Variants in SHISA6 observed in about 807,000 individuals in gnomAD.
SHISA6 encodes the protein shisa family member 6.
Under a neutral mutation model 47.9 loss-of-function variants are expected in SHISA6, and 22 were observed. That is an observed-to-expected ratio of 0.46 (90% confidence interval 0.33 to 0.66). The LOEUF is 0.66. SHISA6 is among the 30% of genes least tolerant of loss of function. SHISA6 has a pLI of 0.02. For missense variants in SHISA6, 680 were observed against 764.6 expected, an observed-to-expected ratio of 0.89 and a Z score of 1.30; for synonymous variants, 388 against 337.8, an observed-to-expected ratio of 1.15 and a Z score of -1.63.
chr17:11,305,821 G>T (rs1263786832), intron 2 of SHISA6, among the ~76,000 whole-genome samples: 1 of 152,188 alleles, frequency 6.6e-6, no homozygotes, highest in African/African-American at 2.4e-5. Flanking sequence ...TCTCGGAGCG[G>T]AGGCCAACAG....
At chr17:11,483,193 C>A (rs968239651) in intron 3 of SHISA6, among the ~76,000 whole-genome samples, 8 of 151,760 alleles carry the variant, frequency 5.3e-5, no homozygotes, top group Admixed American at 4.6e-4. Context: ...CCCAGCTACT[C>A]GGAAGGCTGA....
Position 11,331,350 on chromosome 17 carries a change from G to A in SHISA6, c.800-48064G>A, listed in dbSNP as rs765400888. Reference sequence around the variant, plus strand: ...CTGCTTCCTCTCAGTGGGAACGTTTGCTAAATGCTTAATGTAAGTTCTCAC... The same window carrying A: ...CTGCTTCCTCTCAGTGGGAACGTTTACTAAATGCTTAATGTAAGTTCTCAC... On this transcript the variant is annotated intron_variant, in intron 2 of 5. Transcript: ENST00000441885. Among the ~76,000 whole-genome samples, 8 of 152,142 alleles carry A rather than the reference G, an allele frequency of 5.3e-5. No homozygotes were observed. In the South Asian group the frequency reaches 1.7e-3, roughly 32 times the overall value.
chr17:11,465,969 A>G lies in SHISA6; in HGVS notation c.896-85927A>G, dbSNP rs112523285. Among the ~76,000 whole-genome samples, 18 of 152,278 alleles carry G rather than the reference A, an allele frequency of 1.2e-4. 1 individual carries two copies. The highest frequency in any genetic ancestry group is 4.6e-4 in the Admixed American group (7 of 15,292). On this transcript the variant is annotated intron_variant, in intron 3 of 5. Coordinates refer to ENST00000441885, the MANE Select transcript of SHISA6 (RefSeq NM_207386.4). ...AACGTTCCCTCTACCACCATCCCAAAGAAAGTTCTTATAAAACGGAGTTCT... is the reference window on the plus strand; with the variant it reads ...AACGTTCCCTCTACCACCATCCCAAGGAAAGTTCTTATAAAACGGAGTTCT...
intron 3 of SHISA6, among the ~76,000 whole-genome samples, chr17:11,419,069 T>TG (rs1198551958): frequency 1.4e-5 from 2 of 143,496 alleles, no homozygotes; most frequent in Non-Finnish European, 3.0e-5. Context: ...TGTTGTGGGG[T>TG]GGGGGGAGCG....
intron 2 of SHISA6, among the ~76,000 whole-genome samples, chr17:11,305,297 C>T (rs183652384): frequency 6.6e-6 from 1 of 152,160 alleles, no homozygotes; most frequent in African/African-American, 2.4e-5. Flanking sequence ...CTTTGTACAA[C>T]CCTTTTAACC....
At chr17:11,516,506 G>A (rs902998459) in intron 3 of SHISA6, among the ~76,000 whole-genome samples, 2 of 152,198 alleles carry the variant, frequency 1.3e-5, no homozygotes, top group Non-Finnish European at 2.9e-5. Context: ...AATCACTGAT[G>A]TGCTGGTAGA....
intron 2 of SHISA6, among the ~76,000 whole-genome samples, chr17:11,331,935 C>G (rs1275777020): frequency 6.6e-6 from 1 of 152,068 alleles, no homozygotes; most frequent in Non-Finnish European, 1.5e-5. Context: ...CTCTGTGTAC[C>G]TTCCATTCAC....
At chr17:11,519,235 G>A (rs748056460) in intron 3 of SHISA6, among the ~76,000 whole-genome samples, 1 of 152,180 alleles carries the variant, frequency 6.6e-6, no homozygotes. Context: ...AGGTAGAAGC[G>A]GCCCCAGCAT....
At chr17:11,479,237 T>TA (rs914982474) in intron 3 of SHISA6, among the ~76,000 whole-genome samples, 11 of 151,688 alleles carry the variant, frequency 7.3e-5, no homozygotes, top group East Asian at 3.9e-4. Flanking sequence ...GACTCCTTCT[T>TA]AAAAAAAATA....
chr17:11,449,065 A>T (rs1915312050), intron 3 of SHISA6, among the ~76,000 whole-genome samples: 1 of 152,234 alleles, frequency 6.6e-6, no homozygotes, highest in African/African-American at 2.4e-5. Flanking sequence ...TGATTTTTGT[A>T]TGATACACAT....
chr17:11,423,336 TAGATAGATAGATAGATAGATAG>T (rs1273094033), intron 3 of SHISA6, among the ~76,000 whole-genome samples: 2 of 22,012 alleles, frequency 9.1e-5, no homozygotes, highest in Non-Finnish European at 2.0e-4. Flanking sequence ...TATAGATAGA[TAGATAGATAGATAGATAGATAG>T]ATAGATAGAT....
At chr17:11,266,951 A>G (rs1908446872) in intron 2 of SHISA6, among the ~76,000 whole-genome samples, 1 of 152,214 alleles carries the variant, frequency 6.6e-6, no homozygotes, top group African/African-American at 2.4e-5. Flanking sequence ...TCCTGCAGTA[A>G]TAATGAAAAC....
intron 2 of SHISA6, among the ~76,000 whole-genome samples, chr17:11,332,322 A>G (rs1388441761): frequency 2.0e-5 from 3 of 151,772 alleles, no homozygotes; most frequent in Non-Finnish European, 4.4e-5. Flanking sequence ...TTCTGGTTTT[A>G]TAGCAGCTCT....
At chr17:11,484,108 G>A (rs17773333) in intron 3 of SHISA6, among the ~76,000 whole-genome samples, 10,009 of 151,936 alleles carry the variant, frequency 0.066, 404 homozygotes, top group Non-Finnish European at 0.09. Context: ...ATGAATTAAC[G>A]GGACAAAAAT....
chr17:11,479,149 T>C (rs1249209488), intron 3 of SHISA6, among the ~76,000 whole-genome samples: 1 of 152,060 alleles, frequency 6.6e-6, no homozygotes, highest in African/African-American at 2.4e-5. Flanking sequence ...TTTTAAATAA[T>C]ACTATACCAC....
At chr17:11,466,067 G>A (rs2142317539) in intron 3 of SHISA6, among the ~76,000 whole-genome samples, 1 of 151,712 alleles carries the variant, frequency 6.6e-6, no homozygotes, top group East Asian at 2.0e-4. Flanking sequence ...GCTTGCTGCA[G>A]CACAATCTAC....
At chr17:11,255,568 A>G (rs10221240) in intron 1 of SHISA6, among the ~76,000 whole-genome samples, 147,380 of 152,286 alleles carry the variant, frequency 0.97, 71,498 homozygotes, top group East Asian at 1. Flanking sequence ...TGGTGACCTG[A>G]CGGGAAGGAA....
At chr17:11,282,049 A>T (rs185520207) in intron 2 of SHISA6, among the ~76,000 whole-genome samples, 2 of 152,286 alleles carry the variant, frequency 1.3e-5, no homozygotes, top group East Asian at 1.9e-4. Context: ...ATCCAAAGGG[A>T]TCTATGATAC....
intron 3 of SHISA6, among the ~76,000 whole-genome samples, chr17:11,435,804 A>G (rs1212382687): frequency 2.0e-5 from 3 of 152,208 alleles, no homozygotes; most frequent in African/African-American, 7.2e-5. Context: ...ATTTTGCTCA[A>G]AAACTGGTGT....
Sources: allele counts gnomAD v4.1 joint callset (sites outside exome capture counted in the v4.1 genomes callset), GRCh38; gene constraint gnomAD v4.1.1; transcripts MANE v1.5; gene names NCBI Gene and HGNC (gene_info 2026-07-23, HGNC 2026-07-21).